The following TOP1 variants were observed in gnomAD, a reference collection of about 807,000 sequenced individuals.
The protein encoded by TOP1 is DNA topoisomerase I, also known as DNA topoisomerase 1.
A neutral mutation model predicts 111.1 loss-of-function variants in TOP1; 10 were observed. The ratio of observed to expected loss-of-function variants is 0.09; its 90% CI spans 0.06 to 0.15. The LOEUF is 0.15. Ranked by LOEUF, TOP1 falls within the 10% of genes least tolerant of loss-of-function variation. The probability of loss-of-function intolerance (pLI) is 1.00; values close to 1 mark genes in which losing one functional copy is unlikely to be tolerated. For synonymous variants in TOP1, 271 were observed against 302.9 expected, an observed-to-expected ratio of 0.89 and a Z score of 1.10; for missense variants, 474 against 926.7, an observed-to-expected ratio of 0.51 and a Z score of 6.34.
At chr20:41,075,905 T>C (rs989922143) in intron 3 of TOP1, among the ~76,000 whole-genome samples, 3 of 152,186 alleles carry the variant, frequency 2.0e-5, no homozygotes, top group African/African-American at 7.2e-5. Context: ...GTTGCAGAAA[T>C]ACACAGGGCT....
chr20:41,047,799 C>T (rs6129739), intron 2 of TOP1, among the ~76,000 whole-genome samples: 18,637 of 152,084 alleles, frequency 0.12, 1,394 homozygotes, highest in South Asian at 0.24. Flanking sequence ...GGAAGCTCAC[C>T]AGGACTCTTG....
At chr20:41,057,012 G>C (rs1452435023) in intron 2 of TOP1, among the ~76,000 whole-genome samples, 1 of 152,096 alleles carries the variant, frequency 6.6e-6, no homozygotes, top group East Asian at 1.9e-4. Context: ...TGTGATCCCA[G>C]CACCAGACTT....
At chr20:41,096,259 G>T (rs2033981175) in intron 9 of TOP1, among the ~76,000 whole-genome samples, 1 of 152,162 alleles carries the variant, frequency 6.6e-6, no homozygotes, top group Admixed American at 6.5e-5. Flanking sequence ...GTAGAGATGG[G>T]TTTTCGCCAT....
rs747191621 is a variant in TOP1, at chr20:41,029,996, C to T, written c.58+541C>T. Among the ~76,000 whole-genome samples, 1 of 152,154 alleles carries T rather than the reference C, an allele frequency of 6.6e-6. No homozygotes were observed. Among genetic ancestry groups the T allele is most frequent in the Non-Finnish European group, 1.5e-5 (1 of 68,024 alleles). ...TTCATGTTTGTTTCCTTTTCTGCTTCCAGAATGAAAGATTTCCTTAAGCAA... is the reference window on the plus strand; with the variant it reads ...TTCATGTTTGTTTCCTTTTCTGCTTTCAGAATGAAAGATTTCCTTAAGCAA... On this transcript the variant is annotated intron_variant, in intron 2 of 20. Transcript: ENST00000361337. The surrounding 1 kb of genome is among the most constrained non-coding windows in gnomAD (Gnocchi z 6.1).
chr20:41,043,727 G>C (rs1294008071), intron 2 of TOP1, among the ~76,000 whole-genome samples: 1 of 152,200 alleles, frequency 6.6e-6, no homozygotes, highest in African/African-American at 2.4e-5. Flanking sequence ...TTTAGGCTGA[G>C]CTGTGGATCC....
chr20:41,116,709 G>C lies in TOP1; in HGVS notation c.1822+317G>C, dbSNP rs2034336053. Among the ~76,000 whole-genome samples the C allele has an allele frequency of 6.6e-6, 1 of 152,212 alleles. No individual in the cohort carries two copies. The highest frequency in any genetic ancestry group is 1.5e-5 in the Non-Finnish European group (1 of 68,026). On this transcript the variant is annotated intron_variant, in intron 17 of 20. Coordinates refer to ENST00000361337, the MANE Select transcript of TOP1 (RefSeq NM_003286.4). The surrounding 1 kb of genome is among the most constrained non-coding windows in gnomAD (Gnocchi z 5.6). ...CACAGAGTGAAGACAGTGCTGTGATGTTCTGTTAAATTGGAGAGAGTAAAG... is the reference window on the plus strand; with the variant it reads ...CACAGAGTGAAGACAGTGCTGTGATCTTCTGTTAAATTGGAGAGAGTAAAG...
chr20:41,086,290 A>G (rs981144060), intron 8 of TOP1, among the ~76,000 whole-genome samples: 32 of 151,812 alleles, frequency 2.1e-4, no homozygotes, highest in African/African-American at 7.7e-4. Flanking sequence ...AAAAAACCCC[A>G]CATGGGTTTA....
In TOP1 at chr20:41,115,306, G is replaced by T; in HGVS notation, c.1639-65G>T. On this transcript the variant is annotated intron_variant, in intron 15 of 20. Coordinates refer to ENST00000361337, the MANE Select transcript of TOP1 (RefSeq NM_003286.4). The surrounding 1 kb of genome is among the most constrained non-coding windows in gnomAD (Gnocchi z 6.3). Reference sequence around the variant, plus strand: ...TTTCTTTGCAAGTTTCTTTAAGTTTGGGGTTATTTCTAAAGTTAGGATTTT... The same window carrying T: ...TTTCTTTGCAAGTTTCTTTAAGTTTTGGGTTATTTCTAAAGTTAGGATTTT... The T allele has an allele frequency of 8.8e-7, 1 of 1,134,812 alleles. No individual in the cohort carries two copies. The highest frequency in any genetic ancestry group is 1.3e-6 in the Non-Finnish European group (1 of 759,798). 70.3% of individuals were successfully genotyped at this position (1,134,812 alleles called of 1,614,324 possible).
rs2034421030 is a variant in TOP1 at position 41,121,428 on chromosome 20, C to G, written c.1951-268C>G. ...TGATGGAAAGATCAGCACCCAGATT[C>G]CCAGCCCCAGCGGGTTCCTTTCCCT... On this transcript the variant is annotated intron_variant, in intron 18 of 20. Coordinates refer to ENST00000361337, the MANE Select transcript of TOP1 (RefSeq NM_003286.4). The surrounding 1 kb of genome is among the most constrained non-coding windows in gnomAD (Gnocchi z 4.2). Among the ~76,000 whole-genome samples the G allele has an allele frequency of 6.6e-6, 1 of 152,222 alleles. No individual in the cohort carries two copies. The highest frequency in any genetic ancestry group is 2.1e-4 in the South Asian group (1 of 4,832).
Position 41,076,310 on chromosome 20 carries a change from G to T in TOP1, c.279+16G>T. On this transcript the variant is annotated intron_variant, in intron 4 of 20. Transcript: ENST00000361337. Reference sequence around the variant, plus strand: ...AGAGGAAAAGGTACAGAGTTTTCTAGTAGGGGAGGAAGGAACGTGGATGCA... The same window carrying T: ...AGAGGAAAAGGTACAGAGTTTTCTATTAGGGGAGGAAGGAACGTGGATGCA... The T allele has an allele frequency of 1.9e-6, 3 of 1,595,902 alleles. No individual in the cohort carries two copies.
Position 41,094,988 on chromosome 20 carries a change from C to T in TOP1, c.731-2232C>T, listed in dbSNP as rs1324751401. 6.6e-6 allele frequency among the ~76,000 whole-genome samples: 1 copy of T among 152,286 alleles called. No homozygotes were observed. Among genetic ancestry groups the T allele is most frequent in the African/African-American group, 2.4e-5 (1 of 41,562 alleles). ...TCTAAAATAGGAGGAGTCACAGTTG[C>T]TTCTCCCTCTATTAGGACAGAATTC... On this transcript the variant is annotated intron_variant, in intron 9 of 20. Transcript: ENST00000361337. The surrounding 1 kb of genome is among the most constrained non-coding windows in gnomAD (Gnocchi z 4.4).
rs187365735 is a variant in TOP1, at chr20:41,030,750, A to G, written c.58+1295A>G. Among the ~76,000 whole-genome samples, 1 of 152,122 alleles carries G rather than the reference A, an allele frequency of 6.6e-6. No homozygotes were observed. Among genetic ancestry groups the G allele is most frequent in the Non-Finnish European group, 1.5e-5 (1 of 68,012 alleles). Reference sequence around the variant, plus strand: ...GAGAAGTTGATGAGTAGGTTTTCTAATGTTGTAATCAGCAGTCCATCATGT... The same window carrying G: ...GAGAAGTTGATGAGTAGGTTTTCTAGTGTTGTAATCAGCAGTCCATCATGT... On this transcript the variant is annotated intron_variant, in intron 2 of 20. Coordinates refer to ENST00000361337, the MANE Select transcript of TOP1 (RefSeq NM_003286.4). The surrounding 1 kb of genome is among the most constrained non-coding windows in gnomAD (Gnocchi z 4.1).
chr20:41,029,354 G>T lies in TOP1; in HGVS notation c.34-77G>T. On this transcript the variant is annotated intron_variant, in intron 1 of 20. Transcript: ENST00000361337. This position sits in a 1 kb window ranked among gnomAD's most constrained non-coding sequence, Gnocchi z 6.1. ...CTCCCCGGGGGCGCAGGGTGAGCCAGACCCCGGCCGCGCGCGCTCGCCGCC... is the reference window on the plus strand; with the variant it reads ...CTCCCCGGGGGCGCAGGGTGAGCCATACCCCGGCCGCGCGCGCTCGCCGCC... 7.3e-7 allele frequency: 1 copy of T among 1,360,710 alleles called. No homozygotes were observed. Among genetic ancestry groups the T allele is most frequent in the Non-Finnish European group, 9.7e-7 (1 of 1,028,436 alleles). The allele number at this position is 1,360,710 out of a possible 1,614,324, so 84.3% of individuals were successfully genotyped here. A position where few individuals can be genotyped will look rare whatever the true frequency, so the allele number is the denominator to read the frequency against.
At position 41,094,312 on chromosome 20, in the gene TOP1, A is replaced by C. The variant is rs949160350; in HGVS notation, c.730+1725A>C. Among the ~76,000 whole-genome samples the C allele has an allele frequency of 3.3e-5, 5 of 152,142 alleles. No individual in the cohort carries two copies. Among genetic ancestry groups the C allele is most frequent in the African/African-American group, 1.2e-4 (5 of 41,430 alleles). ...AGACTCTTAACTATAACTCAAAGCCAAAACTCCTAATTAAGAGAAAGGGCC... is the reference window on the plus strand; with the variant it reads ...AGACTCTTAACTATAACTCAAAGCCCAAACTCCTAATTAAGAGAAAGGGCC... On this transcript the variant is annotated intron_variant, in intron 9 of 20. Coordinates refer to ENST00000361337, the MANE Select transcript of TOP1 (RefSeq NM_003286.4). The surrounding 1 kb of genome is among the most constrained non-coding windows in gnomAD (Gnocchi z 4.4).
At position 41,079,337 on chromosome 20, in the gene TOP1, C is replaced by G. The variant is rs933632906; in HGVS notation, c.336-748C>G. 6.6e-6 allele frequency among the ~76,000 whole-genome samples: 1 copy of G among 152,094 alleles called. No individual in the cohort carries two copies. Among genetic ancestry groups the G allele is most frequent in the Non-Finnish European group, 1.5e-5 (1 of 68,016 alleles). On this transcript the variant is annotated intron_variant, in intron 5 of 20. Coordinates refer to ENST00000361337, the MANE Select transcript of TOP1 (RefSeq NM_003286.4). This position sits in a 1 kb window ranked among gnomAD's most constrained non-coding sequence, Gnocchi z 4.0. ...CCATGGCTGCAGTGATTGCTGGGCT[C>G]TATGGTGTTTTTTACTTGTTCCTTC...
intron 13 of TOP1, among the ~76,000 whole-genome samples, chr20:41,103,526 T>G (rs998154095): frequency 6.6e-6 from 1 of 152,156 alleles, no homozygotes; most frequent in Non-Finnish European, 1.5e-5. Context: ...AAATATGAAC[T>G]GTTATAAATG....
chr20:41,046,299 A>G lies in TOP1; in HGVS notation c.59-15095A>G, dbSNP rs990823764. On this transcript the variant is annotated intron_variant, in intron 2 of 20. Coordinates refer to ENST00000361337, the MANE Select transcript of TOP1 (RefSeq NM_003286.4). The surrounding 1 kb of genome is among the most constrained non-coding windows in gnomAD (Gnocchi z 4.3). ...TGAATCTCACGGTTTAAGTAAAGTA[A>G]CTAGCTCAAGGCTATATAGTTATAA... 2.0e-5 allele frequency among the ~76,000 whole-genome samples: 3 copies of G among 152,226 alleles called. No homozygotes were observed. The highest frequency in any genetic ancestry group is 7.2e-5 in the African/African-American group (3 of 41,456).
chr20:41,070,516 C>G (rs947051239), intron 3 of TOP1, among the ~76,000 whole-genome samples: 1 of 152,230 alleles, frequency 6.6e-6, no homozygotes, highest in Non-Finnish European at 1.5e-5. Context: ...AAGCTGCGCT[C>G]TTTTCCCAGA....
chr20:41,074,484 G>GT (rs1417392211), intron 3 of TOP1, among the ~76,000 whole-genome samples: 22 of 139,966 alleles, frequency 1.6e-4, no homozygotes, highest in East Asian at 7.5e-4. Flanking sequence ...AGTGGGCATT[G>GT]TTTTGTTTTT....
Sources: gnomAD v4.1 joint callset for allele counts (sites outside exome capture counted in the v4.1 genomes callset) on GRCh38, gnomAD v4.1.1 for gene constraint, Gnocchi (gnomAD v3.1) non-coding constraint, MANE v1.5 for transcripts, NCBI Gene and HGNC (gene_info 2026-07-23, HGNC 2026-07-21) for gene names.